The following ZNF81 variants were observed in gnomAD, a reference collection of about 807,000 sequenced individuals.
ZNF81 encodes the protein zinc finger protein 81 (HFZ20).
Under a neutral mutation model 32.3 loss-of-function variants are expected in ZNF81, and 5 were observed. The ratio of observed to expected loss-of-function variants is 0.15; its 90% CI spans 0.08 to 0.33. The LOEUF (loss-of-function observed/expected upper bound fraction) is 0.33. ZNF81 is among the 10% of genes least tolerant of loss of function. The probability of loss-of-function intolerance (pLI) is 1.00; values close to 1 mark genes in which losing one functional copy is unlikely to be tolerated. For missense variants in ZNF81, 379 were observed against 479.8 expected, an observed-to-expected ratio of 0.79 and a Z score of 1.96; for synonymous variants, 163 against 166.8, an observed-to-expected ratio of 0.98 and a Z score of 0.17.
intron 2 of ZNF81, among the ~76,000 whole-genome samples, chrX:47,884,298 C>A (rs1185028517): frequency 2.9e-5 from 3 of 102,185 alleles, no homozygotes; most frequent in Non-Finnish European, 5.9e-5. Flanking sequence ...TGCTGGCATA[C>A]TCTCTCTGGC....
At position 47,919,315 on chromosome X, in the gene ZNF81, GT is replaced by G. The variant is rs1313816811; in HGVS notation, c.*2689del. ...TTGATCTGTCTTCAAATTCACTGAT[GT>G]TTTTTCTCTCACCCTGGCTTTGTCA... On this transcript the variant is annotated 3_prime_UTR_variant, in exon 5 of 5. Coordinates refer to ENST00000338637, the MANE Select transcript of ZNF81 (RefSeq NM_007137.5). 1.8e-5 allele frequency: 5 copies of G among 279,459 alleles called. No homozygotes were observed. Among genetic ancestry groups the G allele is most frequent in the African/African-American group, 5.5e-5 (2 of 36,157 alleles). The allele number at this position is 279,459 out of a possible 1,213,427, so 23.0% of individuals were successfully genotyped here. A position where few individuals can be genotyped will look rare whatever the true frequency, so the allele number is the denominator to read the frequency against.
At chrX:47,898,364 A>G (rs2058686950) in intron 4 of ZNF81, among the ~76,000 whole-genome samples, 1 of 111,402 alleles carries the variant, frequency 9.0e-6, no homozygotes, top group Non-Finnish European at 1.9e-5. Flanking sequence ...GGGAGTGGGC[A>G]GTCTCTCCAG....
In ZNF81 at chrX:47,893,344, A is replaced by G. The variant is rs530501626; in HGVS notation, c.182-2501A>G. 2.1e-4 allele frequency among the ~76,000 whole-genome samples: 23 copies of G among 110,755 alleles called. No homozygotes were observed. The South Asian group carries it at 8.8e-3, about 42-fold the overall frequency. ...AATGGGAAGGGAGAGGTTTTGGAGG[A>G]GACAGTTGGGGGAGATGTAAAGTTT... On this transcript the variant is annotated intron_variant, in intron 3 of 4. Transcript: ENST00000338637.
intron 2 of ZNF81, among the ~76,000 whole-genome samples, chrX:47,867,056 AACACATGGAC>A (rs1352772231): frequency 5.4e-5 from 6 of 111,467 alleles, no homozygotes; most frequent in Admixed American, 9.6e-5. Context: ...GAACAGTGAG[AACACATGGAC>A]ACAGGGAGGG....
chrX:47,896,668 T>C (rs1165309877), intron 4 of ZNF81, among the ~76,000 whole-genome samples: 5 of 112,051 alleles, frequency 4.5e-5, no homozygotes, highest in African/African-American at 1.6e-4. Context: ...TATACACCAG[T>C]GTAACCACCA....
At position 47,924,352 on chromosome X, in the gene ZNF81, C is replaced by T. The variant is rs1481854901; in HGVS notation, c.*7720C>T. ...TTCTTGTATATAATGTGCCTTTCTG[C>T]CATATGATTCTTTTTTTATTCTTGA... On this transcript the variant is annotated 3_prime_UTR_variant, in exon 5 of 5. Transcript: ENST00000338637. Among the ~76,000 whole-genome samples the T allele has an allele frequency of 8.9e-6, 1 of 111,908 alleles. No homozygotes were observed. Among genetic ancestry groups the T allele is most frequent in the African/African-American group, 3.2e-5 (1 of 30,803 alleles).
chrX:47,863,680 A>G (rs1001036698), intron 2 of ZNF81, among the ~76,000 whole-genome samples: 1 of 112,179 alleles, frequency 8.9e-6, no homozygotes, highest in African/African-American at 3.2e-5. Flanking sequence ...CAAGTAGAGC[A>G]AGAGGTGTTA....
chrX:47,839,382 G>A (rs1183123060), intron 1 of ZNF81, among the ~76,000 whole-genome samples: 1 of 111,238 alleles, frequency 9.0e-6, no homozygotes, highest in East Asian at 2.8e-4. Context: ...AATCCAAAAT[G>A]CTTCAAAATC....
chrX:47,861,379 G>T (rs1323036941), intron 2 of ZNF81, among the ~76,000 whole-genome samples: 1 of 112,045 alleles, frequency 8.9e-6, no homozygotes, highest in African/African-American at 3.2e-5. Context: ...CAGGCAATCA[G>T]TACCTGTCCT....
At chrX:47,907,984 A>G (rs1303336664) in intron 4 of ZNF81, among the ~76,000 whole-genome samples, 2 of 111,835 alleles carry the variant, frequency 1.8e-5, no homozygotes, top group Non-Finnish European at 3.8e-5. Flanking sequence ...AATAATACCA[A>G]TATTATTCAT....
chrX:47,915,624 T>C lies in ZNF81; in HGVS notation c.978T>C (p.Asp326=), dbSNP rs2058753986. 1 of 1,208,438 alleles carries C rather than the reference T, an allele frequency of 8.3e-7. No homozygotes were observed. Among genetic ancestry groups the C allele is most frequent in the Non-Finnish European group, 1.1e-6 (1 of 894,184 alleles). The change falls in exon 5 of 5, where the codon GAT becomes GAC. Residue 326 remains aspartate (D), a synonymous_variant. Coordinates refer to ENST00000338637, the MANE Select transcript of ZNF81 (RefSeq NM_007137.5). ...LLSIYLRVHR[D]EKLYICTKCG... is the part of the protein sequence containing the mutation. ...GTATATATCTGAGAGTTCATAGAGATGAAAAACTCTACATATGTACTAAAT... is the reference window on the plus strand; with the variant it reads ...GTATATATCTGAGAGTTCATAGAGACGAAAAACTCTACATATGTACTAAAT...
intron 2 of ZNF81, among the ~76,000 whole-genome samples, chrX:47,856,067 AAAAAAAAAG>A (rs2058515747): frequency 9.2e-6 from 1 of 108,219 alleles, no homozygotes; most frequent in Non-Finnish European, 1.9e-5. Context: ...AAAAAAAAAA[AAAAAAAAAG>A]AATTGAGTAT....
chrX:47,915,070 T>C lies in ZNF81; in HGVS notation c.424T>C (p.Cys142Arg). 1 of 1,209,360 alleles carries C rather than the reference T, an allele frequency of 8.3e-7. No individual in the cohort carries two copies. The highest frequency in any genetic ancestry group is 1.1e-6 in the Non-Finnish European group (1 of 894,790). Residue 142 changes from cysteine to arginine, a missense_variant, in exon 5 of 5, where the codon TGT becomes CGT. By Grantham distance (180) the Cys-to-Arg change is radical. Around this residue, in one of 2 missense-constraint regions of ZNF81, gnomAD observed 277 missense variants for 306.6 expected, o/e 0.90. Transcript: ENST00000338637. ...GCAAGATGCTGAACAGATAAAGAGA[T>C]GTCAGGAAAAACACAACAAACTTCT... ...LWQDAEQIKRCQEKHNKLLSR... is the reference protein window; with the variant it reads ...LWQDAEQIKRRQEKHNKLLSR...
intron 4 of ZNF81, among the ~76,000 whole-genome samples, chrX:47,908,064 T>A (rs1175088473): frequency 9.0e-6 from 1 of 111,328 alleles, no homozygotes; most frequent in Non-Finnish European, 1.9e-5. Flanking sequence ...TATATTAGAA[T>A]AAAGAATTAC....
At chrX:47,856,960 A>T (rs190834169) in intron 2 of ZNF81, among the ~76,000 whole-genome samples, 1 of 111,695 alleles carries the variant, frequency 9.0e-6, no homozygotes, top group African/African-American at 3.3e-5. Context: ...AAAGAAAAAA[A>T]TTAAAAGACC....
At chrX:47,884,981 C>T (rs114925210) in intron 2 of ZNF81, among the ~76,000 whole-genome samples, 1,276 of 111,572 alleles carry the variant, frequency 0.011, 21 homozygotes, top group African/African-American at 0.038. Context: ...TGCCAAGGAC[C>T]CAGAGTGTGG....
intron 4 of ZNF81, among the ~76,000 whole-genome samples, chrX:47,905,409 TAAAAAAAAAAAAAA>T (rs782351301): frequency 3.4e-5 from 1 of 29,470 alleles, no homozygotes; most frequent in Non-Finnish European, 6.1e-5. Context: ...AGACTCCATC[TAAAAAAAAAAAAAA>T]AAAAAAAAAA....
intron 4 of ZNF81, among the ~76,000 whole-genome samples, chrX:47,897,648 C>T (rs1420865508): frequency 8.9e-6 from 1 of 112,323 alleles, no homozygotes; most frequent in Non-Finnish European, 1.9e-5. Context: ...AAGATTTTCT[C>T]ATACTTTCTT....
At chrX:47,877,200 C>T (rs2058603422) in intron 2 of ZNF81, among the ~76,000 whole-genome samples, 1 of 111,443 alleles carries the variant, frequency 9.0e-6, no homozygotes, top group Non-Finnish European at 1.9e-5. Flanking sequence ...TTGGGTGCAC[C>T]CCCCCGCACC....
Sources: allele counts gnomAD v4.1 joint callset (sites outside exome capture counted in the v4.1 genomes callset), GRCh38; gene constraint gnomAD v4.1.1; regional missense constraint gnomAD v4.1.1; transcripts MANE v1.5; gene names NCBI Gene and HGNC (gene_info 2026-07-23, HGNC 2026-07-21).